PPM1B: variants seen among roughly 807,000 people sequenced by gnomAD.
PPM1B encodes the protein protein phosphatase, Mg2+/Mn2+ dependent 1B.
PPM1B carries 22 observed loss-of-function variants against 43.0 expected under a neutral mutation model. The ratio of observed to expected loss-of-function variants is 0.51; its 90% CI spans 0.37 to 0.73. The LOEUF (loss-of-function observed/expected upper bound fraction) is 0.73. Ranked by LOEUF, PPM1B falls within the 30% of genes least tolerant of loss-of-function variation. PPM1B has a pLI of 0.00. For missense variants in PPM1B, 632 were observed against 584.2 expected, an observed-to-expected ratio of 1.08 and a Z score of -0.84; for synonymous variants, 217 against 197.9, an observed-to-expected ratio of 1.10 and a Z score of -0.81.
downstream of PPM1B, chr2:44,233,433 C>A (rs959535818): frequency 1.7e-5 from 17 of 981,652 alleles, no homozygotes; most frequent in Admixed American, 8.6e-4. Flanking sequence ...ACCTTGAATT[C>A]TTCTGAGTTT....
chr2:44,226,429 G>A lies in PPM1B; in HGVS notation c.1135-3984G>A, dbSNP rs144945068. Among the ~76,000 whole-genome samples, 458 of 152,204 alleles carry A rather than the reference G, an allele frequency of 3.0e-3. 2 individuals carry two copies. Among genetic ancestry groups the A allele is most frequent in the African/African-American group, 0.011 (445 of 41,530 alleles). ...AAAATTGACCCAAATACGACAAATG[G>A]AACAACCTTTCATCCAACCTTATTA... On this transcript the variant is annotated intron_variant, in intron 5 of 5. Transcript: ENST00000282412.
intron 2 of PPM1B, among the ~76,000 whole-genome samples, chr2:44,204,711 C>T (rs181462766): frequency 7.3e-5 from 11 of 151,516 alleles, no homozygotes; most frequent in African/African-American, 2.7e-4. Context: ...TAGAAAAAAT[C>T]GGCCGGGCGT....
At position 44,203,254 on chromosome 2, in the gene PPM1B, T is replaced by C. The variant is rs775857455; in HGVS notation, c.846+1209T>C. Among the ~76,000 whole-genome samples, 4 of 152,182 alleles carry C rather than the reference T, an allele frequency of 2.6e-5. No individual in the cohort carries two copies. In the East Asian group the frequency reaches 7.7e-4, roughly 29 times the overall value. ...TTTTAATGATGGTACCTCTAGCTCC[T>C]CTGATTTTTATTTTTAACACACTGT... On this transcript the variant is annotated intron_variant, in intron 2 of 5. Transcript: ENST00000282412.
At chr2:44,205,356 TG>T (rs2104152297) in intron 2 of PPM1B, among the ~76,000 whole-genome samples, 1 of 145,184 alleles carries the variant, frequency 6.9e-6, no homozygotes, top group Non-Finnish European at 1.5e-5. Flanking sequence ...TGGGTGTGGG[TG>T]TGTGTGTGTG....
rs1322766767 is a variant in PPM1B, at chr2:44,201,066, G to A, written c.-14-120G>A. The A allele has an allele frequency of 2.8e-6, 3 of 1,087,170 alleles. No homozygotes were observed. The highest frequency in any genetic ancestry group is 3.8e-6 in the Non-Finnish European group (3 of 791,804). 67.3% of individuals were successfully genotyped at this position (1,087,170 alleles called of 1,614,324 possible). On this transcript the variant is annotated intron_variant, in intron 1 of 5. Coordinates refer to ENST00000282412, the MANE Select transcript of PPM1B (RefSeq NM_002706.6). The surrounding 1 kb of genome is among the most constrained non-coding windows in gnomAD (Gnocchi z 5.4). ...TTCTTGGGCTTTTGTTGTTGCTCCC[G>A]TAAATTAGGATAATACTAAAAAAAA...
chr2:44,243,428 A>G (rs1376913834), intron 5 of PPM1B, among the ~76,000 whole-genome samples: 1 of 152,242 alleles, frequency 6.6e-6, no homozygotes, highest in African/African-American at 2.4e-5. Context: ...TAACAGTTTC[A>G]TCAACCTTCA....
Position 44,230,791 on chromosome 2 carries a change from T to C in PPM1B, c.*73T>C. The stretch of plus-strand genomic sequence containing the variant: ...AGGAAGTGTAATGTATGCATTTATA[T>C]AACTGTTTTGTTATTTGAATCTTGG... On this transcript the variant is annotated 3_prime_UTR_variant, in exon 6 of 6. Coordinates refer to ENST00000282412, the MANE Select transcript of PPM1B (RefSeq NM_002706.6). 2.0e-6 allele frequency: 3 copies of C among 1,521,968 alleles called. No homozygotes were observed. The highest frequency in any genetic ancestry group is 2.6e-6 in the Non-Finnish European group (3 of 1,136,910). 94.3% of individuals were successfully genotyped at this position (1,521,968 alleles called of 1,614,324 possible).
intron 2 of PPM1B, among the ~76,000 whole-genome samples, chr2:44,202,569 G>A (rs1172424378): frequency 6.6e-6 from 1 of 151,496 alleles, no homozygotes; most frequent in African/African-American, 2.4e-5. Context: ...CTCTTATCTG[G>A]CAATACAATC....
intron 1 of PPM1B, among the ~76,000 whole-genome samples, chr2:44,187,869 C>T (rs1029875610): frequency 6.6e-6 from 1 of 152,128 alleles, no homozygotes; most frequent in African/African-American, 2.4e-5. Context: ...CCTGCCTCAT[C>T]CTCCCTAGTA....
At chr2:44,185,159 A>G (rs539789966) in intron 1 of PPM1B, among the ~76,000 whole-genome samples, 3 of 152,086 alleles carry the variant, frequency 2.0e-5, no homozygotes, top group Admixed American at 6.6e-5. Context: ...CATACATTGT[A>G]TACTCTTTGA....
At chr2:44,173,961 C>T (rs549976002) in intron 1 of PPM1B, among the ~76,000 whole-genome samples, 133 of 152,254 alleles carry the variant, frequency 8.7e-4, no homozygotes, top group Middle Eastern at 3.4e-3. Context: ...AATAATAATA[C>T]TCTTTGTAAT....
intron 1 of PPM1B, among the ~76,000 whole-genome samples, chr2:44,196,293 AG>A (rs1668658967): frequency 6.6e-6 from 1 of 152,052 alleles, no homozygotes; most frequent in South Asian, 2.1e-4. Context: ...AATTTTGAGG[AG>A]TACTGGTCAG....
chr2:44,231,124 T>A lies in PPM1B; in HGVS notation c.*406T>A, dbSNP rs1438851852. 1.1e-6 allele frequency: 1 copy of A among 934,578 alleles called. No homozygotes were observed. The highest frequency in any genetic ancestry group is 1.3e-6 in the Non-Finnish European group (1 of 783,762). 57.9% of individuals were successfully genotyped at this position (934,578 alleles called of 1,614,324 possible). On this transcript the variant is annotated 3_prime_UTR_variant, in exon 6 of 6. Coordinates refer to ENST00000282412, the MANE Select transcript of PPM1B (RefSeq NM_002706.6). ...AGTACACTCATAGTTAGCTTTGTAA[T>A]AAATTTATGTTTTCTTTAATAATTT...
downstream of PPM1B, chr2:44,233,513 T>G: frequency 3.0e-6 from 3 of 985,238 alleles, no homozygotes; most frequent in Non-Finnish European, 3.6e-6. Context: ...GTTTCTGGGT[T>G]AGGAGAAGTA....
intron 1 of PPM1B, among the ~76,000 whole-genome samples, chr2:44,189,339 C>A (rs568692948): frequency 1.3e-5 from 2 of 152,304 alleles, no homozygotes; most frequent in South Asian, 4.1e-4. Flanking sequence ...CTTAGTTTCA[C>A]CCTCATTCTT....
chr2:44,205,629 T>C (rs183410111), intron 2 of PPM1B, among the ~76,000 whole-genome samples: 129 of 152,282 alleles, frequency 8.5e-4, no homozygotes, highest in Middle Eastern at 3.4e-3. Context: ...TCTTTTTTTG[T>C]ATTTTATAGA....
intron 5 of PPM1B, among the ~76,000 whole-genome samples, chr2:44,226,269 C>G (rs934973147): frequency 3.9e-5 from 6 of 152,108 alleles, no homozygotes; most frequent in African/African-American, 1.4e-4. Context: ...GCCACTGCGC[C>G]CGACCTAGTA....
At chr2:44,232,548 A>G (rs1670498526), downstream of PPM1B, 23 of 1,413,512 alleles carry the variant, frequency 1.6e-5, no homozygotes, top group South Asian at 3.2e-4. Context: ...CCTGTACTAC[A>G]GTATTTTTTG....
intron 1 of PPM1B, among the ~76,000 whole-genome samples, chr2:44,194,399 G>A (rs554316428): frequency 6.6e-6 from 1 of 152,304 alleles, no homozygotes; most frequent in Non-Finnish European, 1.5e-5. Context: ...TTGCCTGCTT[G>A]TGGTTTCCTT....
Sources: allele counts gnomAD v4.1 joint callset (sites outside exome capture counted in the v4.1 genomes callset), GRCh38; gene constraint gnomAD v4.1.1; non-coding constraint Gnocchi (gnomAD v3.1); transcripts MANE v1.5; gene names NCBI Gene and HGNC (gene_info 2026-07-23, HGNC 2026-07-21).